HERC4: variants seen among roughly 807,000 people sequenced by gnomAD.
HERC4 encodes the protein probable E3 ubiquitin-protein ligase HERC4.
A neutral mutation model predicts 124.3 loss-of-function variants in HERC4; 28 were observed. The observed-to-expected ratio is 0.23, with a 90% CI of 0.17 to 0.31. The LOEUF (loss-of-function observed/expected upper bound fraction) is 0.31. Among genes scored for constraint, HERC4 ranks in the 10% least tolerant of loss-of-function variants. The pLI, the probability that HERC4 is intolerant of heterozygous loss-of-function variation, is 1.00. For synonymous variants in HERC4, 407 were observed against 421.5 expected (o/e 0.97, Z 0.42); for missense variants, 713 against 1,229.3 (o/e 0.58, Z 6.28).
intron 19 of HERC4, among the ~76,000 whole-genome samples, chr10:67,953,638 G>T (rs1218108796): frequency 6.6e-6 from 1 of 152,158 alleles, no homozygotes; most frequent in East Asian, 1.9e-4. Context: ...TTAAACCTAT[G>T]AATACCTAAT....
chr10:67,984,563 A>AC (rs557244738), intron 15 of HERC4, among the ~76,000 whole-genome samples: 11 of 149,096 alleles, frequency 7.4e-5, no homozygotes, highest in Admixed American at 1.3e-4. Flanking sequence ...TAAAAATATT[A>AC]AAAAAAAAAT....
chr10:67,930,950 G>A (rs187755441), intron 23 of HERC4, among the ~76,000 whole-genome samples: 16 of 152,150 alleles, frequency 1.1e-4, no homozygotes, highest in Admixed American at 8.5e-4. Flanking sequence ...CAAGTGCTGG[G>A]ATTACAGGCA....
chr10:67,952,675 G>T (rs2033878758), intron 19 of HERC4, among the ~76,000 whole-genome samples: 1 of 151,922 alleles, frequency 6.6e-6, no homozygotes, highest in South Asian at 2.1e-4. Flanking sequence ...AAGGCAGGTG[G>T]ATCACAAGGT....
intron 3 of HERC4, among the ~76,000 whole-genome samples, chr10:68,057,699 C>T (rs928476472): frequency 6.7e-6 from 1 of 149,702 alleles, no homozygotes; most frequent in South Asian, 2.1e-4. Context: ...AAACAAACTA[C>T]ACCTTATTAT....
chr10:68,021,757 G>A (rs192042439), intron 8 of HERC4, among the ~76,000 whole-genome samples: 37 of 152,026 alleles, frequency 2.4e-4, no homozygotes, highest in Non-Finnish European at 3.7e-4. Flanking sequence ...GCGGTGAGCC[G>A]AGATCACGCC....
intron 3 of HERC4, chr10:68,069,171 T>C (rs2041447743): frequency 1.0e-6 from 1 of 964,036 alleles, no homozygotes; most frequent in Non-Finnish European, 1.2e-6. Context: ...AAGAAAAGTA[T>C]ACTTCCCATA....
chr10:67,966,659 T>C (rs1317587523), intron 16 of HERC4, 24 bp downstream of exon 16: 1 of 1,595,538 alleles, frequency 6.3e-7, no homozygotes, highest in Non-Finnish European at 8.5e-7. Context: ...AAAAATGAAA[T>C]CACAAATTGC....
intron 15 of HERC4, chr10:67,988,192 T>C (rs1169837966): frequency 6.6e-6 from 1 of 152,194 alleles, no homozygotes; most frequent in Admixed American, 6.5e-5. Context: ...ATGAATTACA[T>C]ACGGTTCCAA....
In HERC4 at chr10:67,922,035, G is replaced by C. The variant is rs1321097877; in HGVS notation, c.*896C>G. 1 of 152,056 alleles carries C rather than the reference G, an allele frequency of 6.6e-6. No individual in the cohort carries two copies. The highest frequency in any genetic ancestry group is 1.9e-4 in the East Asian group (1 of 5,200). 9.4% of individuals were successfully genotyped at this position (152,056 alleles called of 1,614,324 possible). ...ATCAACTCACTTTTACAATTTAATG[G>C]CATGAGACAACTAAGCATCAGCACC... On this transcript the variant is annotated 3_prime_UTR_variant, in exon 25 of 25. Transcript: ENST00000373700.
intron 16 of HERC4, chr10:67,959,123 C>G (rs367875304): frequency 3.1e-6 from 5 of 1,597,120 alleles, no homozygotes; most frequent in African/African-American, 1.3e-5. Context: ...CTCAGTTAAT[C>G]CATGGTTGAC....
At chr10:67,972,969 T>C (rs2035340139) in intron 15 of HERC4, among the ~76,000 whole-genome samples, 1 of 152,198 alleles carries the variant, frequency 6.6e-6, no homozygotes, top group Admixed American at 6.5e-5. Flanking sequence ...ATGCCTGTAT[T>C]CTTAAGAGAT....
intron 15 of HERC4, among the ~76,000 whole-genome samples, chr10:67,984,820 G>C (rs1332425350): frequency 3.3e-5 from 5 of 152,116 alleles, no homozygotes; most frequent in Non-Finnish European, 7.4e-5. Flanking sequence ...CTGACCTCAA[G>C]TGATCCACCG....
intron 7 of HERC4, among the ~76,000 whole-genome samples, chr10:68,026,130 C>T (rs962123039): frequency 6.6e-6 from 1 of 152,192 alleles, no homozygotes; most frequent in Non-Finnish European, 1.5e-5. Flanking sequence ...GGGTCTTGCT[C>T]TATCACCCAG....
rs1316117062 is a variant in HERC4 at position 67,925,097 on chromosome 10, T to C, written c.2929A>G (p.Lys977Glu). 2 of 1,573,680 alleles carry C rather than the reference T, an allele frequency of 1.3e-6. No homozygotes were observed. Among genetic ancestry groups the C allele is most frequent in the Non-Finnish European group, 1.7e-6 (2 of 1,143,582 alleles). Residue 977 changes from lysine to glutamate, a missense_variant, in exon 24 of 25, where the codon AAA becomes GAA. Transcript: ENST00000373700. ...VFHELPLEKKKQFLLFLTGSD... is the reference protein window; with the variant it reads ...VFHELPLEKKEQFLLFLTGSD... ...TAGAAATACTTACACAGAAACTGTT[T>C]CTTCTTTTCCAATGGTAATTCGTGA...
chr10:67,922,840 T>C lies in HERC4; in HGVS notation c.*91A>G. The C allele has an allele frequency of 9.1e-6, 8 of 879,382 alleles. No individual in the cohort carries two copies. The highest frequency in any genetic ancestry group is 1.4e-5 in the Non-Finnish European group (8 of 560,472). 54.5% of individuals were successfully genotyped at this position (879,382 alleles called of 1,614,324 possible). A position where few individuals can be genotyped will look rare whatever the true frequency, so the allele number is the denominator to read the frequency against. ...ATTCTGCAAGTAAGAATTATAATAG[T>C]ACCTCTGTCACCTTGCTGAATTCAT... On this transcript the variant is annotated 3_prime_UTR_variant, in exon 25 of 25. Coordinates refer to ENST00000373700, the MANE Select transcript of HERC4 (RefSeq NM_015601.4).
intron 4 of HERC4, among the ~76,000 whole-genome samples, chr10:68,041,384 C>A (rs1002236009): frequency 5.9e-5 from 9 of 151,966 alleles, no homozygotes; most frequent in African/African-American, 2.2e-4. Flanking sequence ...CTACTCTATA[C>A]CATTAAAAAC....
intron 11 of HERC4, among the ~76,000 whole-genome samples, chr10:67,991,828 T>C (rs1286064301): frequency 1.3e-5 from 2 of 152,226 alleles, no homozygotes; most frequent in East Asian, 1.9e-4. Flanking sequence ...TATGTTATCA[T>C]TTAACATATC....
chr10:68,068,486 C>CA (rs34779824), intron 3 of HERC4: 741 of 70,464 alleles, frequency 0.011, 1 homozygote, highest in Non-Finnish European at 0.014. Context: ...GACTCCGTTT[C>CA]AAAAAAAAAA....
At chr10:68,002,764 A>G (rs955583565) in intron 9 of HERC4, among the ~76,000 whole-genome samples, 2 of 151,712 alleles carry the variant, frequency 1.3e-5, no homozygotes, top group Admixed American at 6.6e-5. Flanking sequence ...ACACCCAGCT[A>G]ATTTTTTGTA....
Sources: gnomAD v4.1 joint callset for allele counts (sites outside exome capture counted in the v4.1 genomes callset) on GRCh38, gnomAD v4.1.1 for gene constraint, MANE v1.5 for transcripts, NCBI Gene and HGNC (gene_info 2026-07-23, HGNC 2026-07-21) for gene names.